Variants in ADGRL3 observed in about 807,000 individuals in gnomAD.
ADGRL3 encodes adhesion G protein-coupled receptor L3, also known as calcium-independent alpha-latrotoxin receptor 3.
A neutral mutation model predicts 153.5 loss-of-function variants in ADGRL3; 62 were observed. The ratio of observed to expected loss-of-function variants is 0.40; its 90% CI spans 0.33 to 0.50. The LOEUF is 0.50. Among genes scored for constraint, ADGRL3 ranks in the 20% least tolerant of loss-of-function variants. ADGRL3 has a pLI of 0.47. For missense variants in ADGRL3, 1,641 were observed against 1,859.4 expected, an observed-to-expected ratio of 0.88 and a Z score of 2.16; for synonymous variants, 710 against 672.5, an observed-to-expected ratio of 1.06 and a Z score of -0.86.
intron 1 of ADGRL3, among the ~76,000 whole-genome samples, chr4:61,256,193 G>T (rs2091948685): frequency 6.6e-6 from 1 of 152,028 alleles, no homozygotes; most frequent in South Asian, 2.1e-4. Flanking sequence ...TTTCAATCAG[G>T]TGGCCATTCT....
intron 1 of ADGRL3, among the ~76,000 whole-genome samples, chr4:61,375,674 C>T (rs536032447): frequency 4.6e-5 from 7 of 152,120 alleles, no homozygotes; most frequent in East Asian, 3.9e-4. Context: ...CCTCTGTAAA[C>T]GGTAAATATC....
chr4:61,305,637 C>T (rs150863953), intron 1 of ADGRL3, among the ~76,000 whole-genome samples: 160 of 152,150 alleles, frequency 1.1e-3, no homozygotes, highest in African/African-American at 3.7e-3. Flanking sequence ...TTGACAAAGT[C>T]GGTCCCCCAA....
chr4:61,874,787 CTCTTT>C (rs1561398161), intron 9 of ADGRL3, among the ~76,000 whole-genome samples: 63 of 88,586 alleles, frequency 7.1e-4, no homozygotes, highest in East Asian at 2.7e-3. Flanking sequence ...CATCAAAATG[CTCTTT>C]TTTTTTTTTT....
chr4:61,311,426 T>G (rs1021814499), intron 1 of ADGRL3, among the ~76,000 whole-genome samples: 1 of 152,184 alleles, frequency 6.6e-6, no homozygotes. Context: ...ATTTGCAACC[T>G]TACTGCAAGG....
At chr4:61,548,353 C>T (rs1196463233) in intron 4 of ADGRL3, among the ~76,000 whole-genome samples, 1 of 144,712 alleles carries the variant, frequency 6.9e-6, no homozygotes, top group Non-Finnish European at 1.6e-5. Flanking sequence ...GAAATCTTTG[C>T]CAGGGCCTGT....
At chr4:61,426,288 G>A (rs1157071438) in intron 2 of ADGRL3, among the ~76,000 whole-genome samples, 1 of 152,176 alleles carries the variant, frequency 6.6e-6, no homozygotes, top group African/African-American at 2.4e-5. Flanking sequence ...CCTTCTTGGT[G>A]ATCACCATCC....
chr4:61,979,938 T>A (rs1213261777), intron 18 of ADGRL3, among the ~76,000 whole-genome samples, 166 bp downstream of exon 18: 1 of 152,218 alleles, frequency 6.6e-6, no homozygotes, highest in Non-Finnish European at 1.5e-5. Context: ...TATCCCATTG[T>A]CATAAATAAG....
chr4:61,617,043 T>C (rs763636725), intron 5 of ADGRL3, among the ~76,000 whole-genome samples: 8 of 152,178 alleles, frequency 5.3e-5, no homozygotes, highest in Non-Finnish European at 1.2e-4. Flanking sequence ...TTTATATTTG[T>C]GGTACAGTGA....
chr4:61,605,124 A>T (rs1579808701), intron 5 of ADGRL3, among the ~76,000 whole-genome samples: 1 of 150,906 alleles, frequency 6.6e-6, no homozygotes, highest in South Asian at 2.1e-4. Context: ...AGAGAAGGAA[A>T]AAAAAAACTA....
Position 61,813,824 on chromosome 4 carries a change from G to A in ADGRL3, c.1415G>A (p.Gly472Glu), listed in dbSNP as rs749052446. Residue 472 changes from glycine (G) to glutamate (E), a missense_variant, in exon 9 of 27, where the codon GGA becomes GAA. By Grantham distance (98) the Gly-to-Glu change is moderately conservative. This residue lies in a region of ADGRL3 where 734 missense variants were observed against 797.0 expected (regional missense o/e 0.92). Coordinates refer to ENST00000683033, the MANE Select transcript of ADGRL3 (RefSeq NM_001387552.1). ...GGGTCCACAGGGCAGGCACATCATG[G>A]ACAAGTTTCATACATTTCTCCGCCA... The part of the protein sequence containing the change: ...LDSRSGQAHH[G>E]QVSYISPPIH... 3 of 1,579,388 alleles carry A rather than the reference G, an allele frequency of 1.9e-6. No homozygotes were observed. The highest frequency in any genetic ancestry group is 2.6e-6 in the Non-Finnish European group (3 of 1,148,666).
At chr4:61,988,919 C>A (rs979055862) in intron 19 of ADGRL3, among the ~76,000 whole-genome samples, 8 of 152,040 alleles carry the variant, frequency 5.3e-5, no homozygotes, top group African/African-American at 9.7e-5. Flanking sequence ...AATAGCCAAG[C>A]TGTTAAAAAT....
chr4:61,206,454 C>T (rs1481887138), intron 1 of ADGRL3, among the ~76,000 whole-genome samples: 1 of 152,068 alleles, frequency 6.6e-6, no homozygotes, highest in African/African-American at 2.4e-5. Flanking sequence ...TCTCTGACAC[C>T]CTTTCAGAGG....
intron 1 of ADGRL3, among the ~76,000 whole-genome samples, chr4:61,271,283 A>G (rs1376977609): frequency 6.6e-6 from 1 of 151,932 alleles, no homozygotes; most frequent in East Asian, 1.9e-4. Context: ...AATGACTGTT[A>G]CCGTGTTTTT....
At chr4:61,414,153 C>T (rs1294508032) in intron 2 of ADGRL3, among the ~76,000 whole-genome samples, 5 of 152,162 alleles carry the variant, frequency 3.3e-5, no homozygotes, top group African/African-American at 1.2e-4. Flanking sequence ...TAGTCTGCCA[C>T]AGACCATTCT....
chr4:61,591,191 T>C (rs567211422), intron 5 of ADGRL3, among the ~76,000 whole-genome samples: 1 of 152,308 alleles, frequency 6.6e-6, no homozygotes, highest in Non-Finnish European at 1.5e-5. Context: ...ATATATTGTA[T>C]ACTTTTTGTC....
rs115211785 is a variant in ADGRL3, at chr4:61,509,890, T to C, written c.56-7425T>C. Among the ~76,000 whole-genome samples the C allele has an allele frequency of 1.2e-3, 176 of 152,300 alleles. 1 individual carries two copies. Among genetic ancestry groups the C allele is most frequent in the African/African-American group, 4.0e-3 (167 of 41,568 alleles). On this transcript the variant is annotated intron_variant, in intron 3 of 26. Transcript: ENST00000683033. ...CTGACTAGCATTTCCACCAACAGTA[T>C]GTAAGCATCCCTTTTACTCCATAGC...
chr4:61,738,959 A>G (rs1226774817), intron 8 of ADGRL3, among the ~76,000 whole-genome samples: 2 of 152,182 alleles, frequency 1.3e-5, no homozygotes, highest in Non-Finnish European at 2.9e-5. Flanking sequence ...TTCATTTACT[A>G]TGTTTCTCTA....
intron 23 of ADGRL3, among the ~76,000 whole-genome samples, chr4:62,033,325 A>G (rs1194648018): frequency 2.6e-5 from 4 of 151,798 alleles, no homozygotes; most frequent in Non-Finnish European, 4.4e-5. Context: ...ACAGAAAAAC[A>G]TAGTATAGCT....
intron 2 of ADGRL3, among the ~76,000 whole-genome samples, chr4:61,384,721 T>C (rs1355546201): frequency 6.6e-6 from 1 of 151,982 alleles, no homozygotes; most frequent in Non-Finnish European, 1.5e-5. Flanking sequence ...TAATCAGCAC[T>C]CCAGTAGAAG....
Sources: allele counts gnomAD v4.1 joint callset (sites outside exome capture counted in the v4.1 genomes callset), GRCh38; gene constraint gnomAD v4.1.1; regional missense constraint gnomAD v4.1.1; transcripts MANE v1.5; gene names NCBI Gene and HGNC (gene_info 2026-07-23, HGNC 2026-07-21).